PHF21B: variants seen among roughly 807,000 people sequenced by gnomAD.
PHF21B encodes PHD finger protein 4.
A neutral mutation model predicts 62.2 loss-of-function variants in PHF21B; 22 were observed. The ratio of observed to expected loss-of-function variants is 0.35; its 90% CI spans 0.25 to 0.51. The LOEUF (loss-of-function observed/expected upper bound fraction) is 0.51. Ranked by LOEUF, PHF21B falls within the 20% of genes least tolerant of loss-of-function variation. The pLI, the probability that PHF21B is intolerant of heterozygous loss-of-function variation, is 0.97. For synonymous variants in PHF21B, 341 were observed against 314.7 expected (o/e 1.08, Z -0.88); for missense variants, 701 against 707.9 (o/e 0.99, Z 0.11).
chr22:44,960,284 C>T (rs1175346567), intron 2 of PHF21B, among the ~76,000 whole-genome samples: 4 of 152,186 alleles, frequency 2.6e-5, no homozygotes, highest in Admixed American at 6.5e-5. Flanking sequence ...TCCACAGCTA[C>T]CTGAGTTCGG....
chr22:44,942,047 C>A (rs1234144103), intron 2 of PHF21B, among the ~76,000 whole-genome samples: 1 of 152,178 alleles, frequency 6.6e-6, no homozygotes, highest in Non-Finnish European at 1.5e-5. Context: ...GGGGGGAATG[C>A]GGCCCTGGGG....
In PHF21B at chr22:45,009,962, G is replaced by GGCCTCGGCAAAGTTGT. The variant is rs1297775051; in HGVS notation, c.-429_-414dup. 9 of 146,374 alleles carry GGCCTCGGCAAAGTTGT rather than the reference G, an allele frequency of 6.1e-5. No individual in the cohort carries two copies. Among genetic ancestry groups the GGCCTCGGCAAAGTTGT allele is most frequent in the Non-Finnish European group, 1.2e-4 (8 of 65,572 alleles). 9.1% of individuals were successfully genotyped at this position (146,374 alleles called of 1,614,324 possible). On this transcript the variant is annotated 5_prime_UTR_variant, in exon 1 of 13. Coordinates refer to ENST00000313237, the MANE Select transcript of PHF21B (RefSeq NM_138415.5). The surrounding 1 kb of genome is among the most constrained non-coding windows in gnomAD (Gnocchi z 5.9). ...CGGCGCGCGCGCCTGGATCTCGTTG[G>GGCCTCGGCAAAGTTGT]GCCTCGGCAAAGTTGTGCCTCGGCA...
Position 44,956,355 on chromosome 22 carries a change from C to T in PHF21B, c.121-35865G>A, listed in dbSNP as rs182572276. 5.3e-5 allele frequency among the ~76,000 whole-genome samples: 8 copies of T among 152,284 alleles called. No individual in the cohort carries two copies. In the East Asian group the frequency reaches 7.7e-4, roughly 15 times the overall value. On this transcript the variant is annotated intron_variant, in intron 2 of 12. Coordinates refer to ENST00000313237, the MANE Select transcript of PHF21B (RefSeq NM_138415.5). ...GGCCCGAGAATCAGTACTTTCTTACCCTGACGAGTGTATCTTTTCCTCATT... is the reference window on the plus strand; with the variant it reads ...GGCCCGAGAATCAGTACTTTCTTACTCTGACGAGTGTATCTTTTCCTCATT...
chr22:44,983,636 C>T (rs1259800375), intron 2 of PHF21B, among the ~76,000 whole-genome samples: 1 of 152,084 alleles, frequency 6.6e-6, no homozygotes, highest in Admixed American at 6.5e-5. Flanking sequence ...TTTTAAAAGA[C>T]ATAAGTTTGA....
chr22:44,916,513 G>A lies in PHF21B; in HGVS notation c.331C>T (p.Pro111Ser). ...GTGTTGTTGGCGGTGGGGAGGGCTG[G>A]GCTGGGGTTCTTGACGCTGACCACG... ...ATVVSVKNPS[P>S]ALPTANNTVS... Residue 111 changes from proline to serine, a missense_variant, in exon 4 of 13, where the codon CCA becomes TCA. Pro to Ser is a moderately conservative substitution (Grantham distance 74). Transcript: ENST00000313237. The A allele has an allele frequency of 6.2e-7, 1 of 1,609,456 alleles. No individual in the cohort carries two copies. Among genetic ancestry groups the A allele is most frequent in the Non-Finnish European group, 8.5e-7 (1 of 1,179,788 alleles).
chr22:44,913,846 C>T lies in PHF21B; in HGVS notation c.807G>A (p.Arg269=). ...AQATKKKKED[R]PPTQENPEKI... ...CCTCGGGGTTCTCCTGGGTCGGGGG[C>T]CGGTCTTCCTTCTTCTTTTTGGTGG... is the stretch of plus-strand genomic sequence containing the variant. The change falls in exon 5 of 13, where the codon CGG becomes CGA. Residue 269 remains arginine, a synonymous_variant. Transcript: ENST00000313237. The T allele has an allele frequency of 5.6e-6, 9 of 1,613,732 alleles. No individual in the cohort carries two copies. The highest frequency in any genetic ancestry group is 7.6e-6 in the Non-Finnish European group (9 of 1,179,950).
chr22:44,916,044 C>T (rs62232244), intron 4 of PHF21B, among the ~76,000 whole-genome samples: 2,742 of 152,298 alleles, frequency 0.018, 46 homozygotes, highest in Middle Eastern at 0.034. Flanking sequence ...GTCTCTGGAT[C>T]GCATATTCAT....
chr22:44,905,894 C>A (rs2071241233), intron 5 of PHF21B, among the ~76,000 whole-genome samples: 1 of 152,242 alleles, frequency 6.6e-6, no homozygotes, highest in Admixed American at 6.5e-5. Context: ...TCCCGAAGTG[C>A]TGGGCACAAT....
chr22:44,931,923 G>A (rs2071750513), intron 2 of PHF21B, among the ~76,000 whole-genome samples: 1 of 152,204 alleles, frequency 6.6e-6, no homozygotes, highest in Non-Finnish European at 1.5e-5. Flanking sequence ...AGAAGGACTG[G>A]CACAGCCAGC....
chr22:45,005,313 CCTGGGCCTGGCCA>C, intron 2 of PHF21B, among the ~76,000 whole-genome samples: 6 of 152,330 alleles, frequency 3.9e-5, no homozygotes. Flanking sequence ...GCTTAGCTGG[CCTGGGCCTGGCCA>C]CAACTCATCA....
intron 2 of PHF21B, among the ~76,000 whole-genome samples, chr22:44,970,329 G>T (rs1038034959): frequency 1.3e-5 from 2 of 152,212 alleles, no homozygotes; most frequent in African/African-American, 2.4e-5. Context: ...GAGATTCCAG[G>T]AATTCCTAGT....
intron 2 of PHF21B, among the ~76,000 whole-genome samples, chr22:44,938,290 G>C (rs2071888820): frequency 6.6e-6 from 1 of 152,186 alleles, no homozygotes; most frequent in South Asian, 2.1e-4. Context: ...CTGGAGTGCA[G>C]TGGCGCGGAC....
intron 2 of PHF21B, among the ~76,000 whole-genome samples, chr22:44,921,420 G>A (rs373473022): frequency 4.4e-4 from 66 of 151,472 alleles, no homozygotes; most frequent in African/African-American, 1.6e-3. Context: ...AGGCTGGAGT[G>A]CAGTGGCGCG....
chr22:44,970,144 T>G (rs112325397), intron 2 of PHF21B, among the ~76,000 whole-genome samples: 2 of 152,216 alleles, frequency 1.3e-5, no homozygotes, highest in African/African-American at 2.4e-5. Flanking sequence ...CGGAGATGCA[T>G]GGCACTCCTG....
At chr22:44,938,600 G>T (rs1424806306) in intron 2 of PHF21B, among the ~76,000 whole-genome samples, 8 of 152,266 alleles carry the variant, frequency 5.3e-5, no homozygotes, top group Admixed American at 5.2e-4. Flanking sequence ...GGCCAAGGGG[G>T]CAGCTAGAGG....
In PHF21B at chr22:44,920,508, G is replaced by A; in HGVS notation, c.121-18C>T. The A allele has an allele frequency of 6.3e-7, 1 of 1,590,052 alleles. No individual in the cohort carries two copies. Among genetic ancestry groups the A allele is most frequent in the Non-Finnish European group, 8.6e-7 (1 of 1,163,822 alleles). On this transcript the variant is annotated intron_variant, in intron 2 of 12. Coordinates refer to ENST00000313237, the MANE Select transcript of PHF21B (RefSeq NM_138415.5). ...CCCAAAGCCTGAAACATACAGGAGGGCAACGCTGAGACAGGAGGAGCAGCT... is the reference window on the plus strand; with the variant it reads ...CCCAAAGCCTGAAACATACAGGAGGACAACGCTGAGACAGGAGGAGCAGCT...
intron 5 of PHF21B, among the ~76,000 whole-genome samples, chr22:44,905,660 G>A (rs557395303): frequency 7.9e-5 from 12 of 151,840 alleles, no homozygotes; most frequent in Non-Finnish European, 1.5e-4. Flanking sequence ...ACGGAATCTC[G>A]CTCGGTCACC....
chr22:44,978,107 T>G (rs1230969555), intron 2 of PHF21B, among the ~76,000 whole-genome samples: 1 of 152,166 alleles, frequency 6.6e-6, no homozygotes, highest in Non-Finnish European at 1.5e-5. Context: ...GCTAGGATTT[T>G]CAGGCCTCCC....
chr22:45,008,731 C>A, intron 1 of PHF21B, 121 bp from the exon 2 acceptor site: 1 of 1,164,248 alleles, frequency 8.6e-7, no homozygotes, highest in East Asian at 3.9e-5. Flanking sequence ...CAGCGCACCC[C>A]AAGTTTCCCG....
Sources: allele counts gnomAD v4.1 joint callset (sites outside exome capture counted in the v4.1 genomes callset), GRCh38; gene constraint gnomAD v4.1.1; non-coding constraint Gnocchi (gnomAD v3.1); transcripts MANE v1.5; gene names NCBI Gene and HGNC (gene_info 2026-07-23, HGNC 2026-07-21).